Variants in TINF2 observed in about 807,000 individuals in gnomAD.
TINF2 encodes the protein TERF1 interacting nuclear factor 2.
TINF2 carries 27 observed loss-of-function variants against 50.4 expected under a neutral mutation model. The ratio of observed to expected loss-of-function variants is 0.54; its 90% confidence interval spans 0.40 to 0.74. The LOEUF is 0.74. Ranked by LOEUF, TINF2 falls within the 30% of genes least tolerant of loss-of-function variation. The pLI, the probability that TINF2 is intolerant of heterozygous loss-of-function variation, is 0.00. For synonymous variants in TINF2, 223 were observed against 214.6 expected, an observed-to-expected ratio of 1.04 and a Z score of -0.34; for missense variants, 496 against 551.5, an observed-to-expected ratio of 0.90 and a Z score of 1.01.
chr14:24,241,851 G>A, intron 2 of TINF2, 39 bp downstream of exon 2: 1 of 1,613,748 alleles, frequency 6.2e-7, no homozygotes, highest in Non-Finnish European at 8.5e-7. Flanking sequence ...GCTGCACCAA[G>A]TGTAACTGGG....
At position 24,240,558 on chromosome 14, in the gene TINF2, C is replaced by G. The variant is rs1232383398; in HGVS notation, c.922G>C (p.Glu308Gln). The G allele has an allele frequency of 6.2e-7, 1 of 1,614,180 alleles. No individual in the cohort carries two copies. Among genetic ancestry groups the G allele is most frequent in the Admixed American group, 1.7e-5 (1 of 60,026 alleles). ...QVISKPESKE[E>Q]HAIYTADLAM... The stretch of plus-strand genomic sequence containing the variant: ...AGGTCTGCTGTGTATATCGCATGTT[C>G]TTCCTTGCTCTCAGGCTTAGATATG... The change falls in exon 6 of 9, where the codon GAA becomes CAA. Residue 308 changes from glutamate to glutamine, a missense_variant. Transcript: ENST00000267415.
intron 3 of TINF2, 111 bp from the exon 4 acceptor site, chr14:24,241,422 G>A: frequency 9.1e-7 from 1 of 1,098,664 alleles, no homozygotes; most frequent in Middle Eastern, 2.6e-4. Context: ...TTGAGGTCAG[G>A]AGTTCGAGAC....
At chr14:24,240,968 G>A (rs1374876675) in intron 5 of TINF2, 52 bp downstream of exon 5, 3 of 1,613,632 alleles carry the variant, frequency 1.9e-6, no homozygotes, top group South Asian at 1.1e-5. Context: ...TATTCCAGTG[G>A]ACTGCCTCAA....
Position 24,242,617 on chromosome 14 carries a change from G to T in TINF2, c.-285C>A. The T allele has an allele frequency of 7.9e-7, 1 of 1,272,398 alleles. No homozygotes were observed. Among genetic ancestry groups the T allele is most frequent in the Non-Finnish European group, 1.0e-6 (1 of 1,004,580 alleles). The allele number at this position is 1,272,398 out of a possible 1,614,324, so 78.8% of individuals were successfully genotyped here. A position where few individuals can be genotyped will look rare whatever the true frequency, so the allele number is the denominator to read the frequency against. On this transcript the variant is annotated 5_prime_UTR_variant, in exon 1 of 9. Transcript: ENST00000267415. ...CGTCGCCGCTGTCTCGAGCCCGAGGGTGCCTCACTTCCGGCTCCGCTACTA... is the reference window on the plus strand; with the variant it reads ...CGTCGCCGCTGTCTCGAGCCCGAGGTTGCCTCACTTCCGGCTCCGCTACTA...
chr14:24,242,116 T>A (rs1416397262), intron 1 of TINF2, 25 bp downstream of exon 1: 1 of 1,614,110 alleles, frequency 6.2e-7, no homozygotes, highest in Non-Finnish European at 8.5e-7. Context: ...TTCTTTCCCC[T>A]TCCAGGTCCT....
rs1441717799 is a variant in TINF2 at position 24,242,319 on chromosome 14, A to C, written c.14T>G (p.Leu5Arg). 6.2e-7 allele frequency: 1 copy of C among 1,612,734 alleles called. No homozygotes were observed. The highest frequency in any genetic ancestry group is 2.2e-5 in the East Asian group (1 of 44,850). MATP[L>R]VAGPAALRFA... ...GCGTAGAGCTGCGGGACCCGCCACC[A>C]GGGGCGTAGCCATGGTCGGCGGGCT... is the stretch of plus-strand genomic sequence containing the variant. The change falls in exon 1 of 9, where the codon CTG becomes CGG. Residue 5 changes from leucine to arginine, a missense_variant. Coordinates refer to ENST00000267415, the MANE Select transcript of TINF2 (RefSeq NM_001099274.3).
In TINF2 at chr14:24,242,606, C is replaced by A; in HGVS notation, c.-274G>T. 1 of 1,294,178 alleles carries A rather than the reference C, an allele frequency of 7.7e-7. No individual in the cohort carries two copies. Among genetic ancestry groups the A allele is most frequent in the Non-Finnish European group, 9.8e-7 (1 of 1,018,550 alleles). The allele number at this position is 1,294,178 out of a possible 1,614,324, so 80.2% of individuals were successfully genotyped here. Reference sequence around the variant, plus strand: ...TCAGCTTTAAACGTCGCCGCTGTCTCGAGCCCGAGGGTGCCTCACTTCCGG... The same window carrying A: ...TCAGCTTTAAACGTCGCCGCTGTCTAGAGCCCGAGGGTGCCTCACTTCCGG... On this transcript the variant is annotated 5_prime_UTR_variant, in exon 1 of 9. Transcript: ENST00000267415.
At position 24,242,533 on chromosome 14, in the gene TINF2, G is replaced by C. The variant is rs972796805; in HGVS notation, c.-201C>G. The stretch of plus-strand genomic sequence containing the variant: ...GGAGGGGGTCTTCTGGCTCGGGCTG[G>C]AGGAGCCTGAGTGGAGAAGCTGACC... On this transcript the variant is annotated 5_prime_UTR_variant, in exon 1 of 9. Coordinates refer to ENST00000267415, the MANE Select transcript of TINF2 (RefSeq NM_001099274.3). 7.0e-7 allele frequency: 1 copy of C among 1,422,218 alleles called. No homozygotes were observed. Among genetic ancestry groups the C allele is most frequent in the East Asian group, 2.6e-5 (1 of 39,158 alleles). 88.1% of individuals were successfully genotyped at this position (1,422,218 alleles called of 1,614,324 possible). A position where few individuals can be genotyped will look rare whatever the true frequency, so the allele number is the denominator to read the frequency against.
chr14:24,240,535 G>A lies in TINF2; in HGVS notation c.945C>T (p.Asp315=), dbSNP rs113905507. ...SKEEHAIYTA[D]LAMGTRAAST... The stretch of plus-strand genomic sequence containing the variant: ...AGGCTGCTCTTGTGCCCATGGCTAG[G>A]TCTGCTGTGTATATCGCATGTTCTT... The change falls in exon 6 of 9, where the codon GAC becomes GAT. Residue 315 remains aspartate (D), a synonymous_variant. Coordinates refer to ENST00000267415, the MANE Select transcript of TINF2 (RefSeq NM_001099274.3). 1 of 1,614,184 alleles carries A rather than the reference G, an allele frequency of 6.2e-7. No individual in the cohort carries two copies. Among genetic ancestry groups the A allele is most frequent in the African/African-American group, 1.3e-5 (1 of 75,038 alleles).
chr14:24,239,941 A>G lies in TINF2; in HGVS notation c.1222-10T>C. 6.2e-7 allele frequency: 1 copy of G among 1,614,226 alleles called. No individual in the cohort carries two copies. On this transcript the variant is annotated splice_polypyrimidine_tract_variant and intron_variant, in intron 8 of 8. Coordinates refer to ENST00000267415, the MANE Select transcript of TINF2 (RefSeq NM_001099274.3). ...AGTTTTCCAGAGATTCCTGTAGAGA[A>G]GGGAGCAGGGAGAGCCTACTATCCG... is the stretch of plus-strand genomic sequence containing the variant.
chr14:24,240,896 C>G (rs753641499), intron 5 of TINF2, 21 bp from the exon 6 acceptor site: 8 of 1,613,906 alleles, frequency 5.0e-6, no homozygotes, highest in Non-Finnish European at 6.8e-6. Flanking sequence ...AAATGAGGCC[C>G]CTTATAAAGA....
Position 24,240,785 on chromosome 14 carries a change from G to A in TINF2, c.695C>T (p.Pro232Leu), listed in dbSNP as rs1191953304. ...QQRLALHNPL[P>L]KAKPGTHLPQ... ...AAGATGTGTGCCAGGCTTGGCTTTT[G>A]GCAGGGGATTGTGGAGTGCTAGTCT... The change falls in exon 6 of 9, where the codon CCA (proline) becomes CTA (leucine). Residue 232 changes from proline to leucine, a missense_variant. Physicochemically the swap from Pro to Leu is moderately conservative, Grantham distance 98. Coordinates refer to ENST00000267415, the MANE Select transcript of TINF2 (RefSeq NM_001099274.3). 6.2e-7 allele frequency: 1 copy of A among 1,613,708 alleles called. No individual in the cohort carries two copies.
chr14:24,240,799 G>T lies in TINF2; in HGVS notation c.681C>A (p.Leu227=), dbSNP rs751316703. The T allele has an allele frequency of 5.0e-6, 8 of 1,614,026 alleles. No individual in the cohort carries two copies. Among genetic ancestry groups the T allele is most frequent in the Non-Finnish European group, 6.8e-6 (8 of 1,180,022 alleles). Residue 227 remains leucine (L), a synonymous_variant, in exon 6 of 9, where the codon CTC becomes CTA. Coordinates refer to ENST00000267415, the MANE Select transcript of TINF2 (RefSeq NM_001099274.3). The part of the protein sequence containing the change: ...QNPPQQQRLA[L]HNPLPKAKPG... ...GCTTGGCTTTTGGCAGGGGATTGTG[G>T]AGTGCTAGTCTTTGTTGCTGAGGAG... is the stretch of plus-strand genomic sequence containing the variant.
chr14:24,241,109 T>C lies in TINF2; in HGVS notation c.515A>G (p.Asp172Gly), dbSNP rs746387616. Residue 172 changes from aspartate (D) to glycine (G), a missense_variant, in exon 5 of 9, where the codon GAT becomes GGT. Transcript: ENST00000267415. Reference sequence around the variant, plus strand: ...TCCAGGCTGCATCCAACTCAGCACATCCTGAAGCTGTGGGCAGGGACAGAG... The same window carrying C: ...TCCAGGCTGCATCCAACTCAGCACACCCTGAAGCTGTGGGCAGGGACAGAG... ...LPTPQAQQLQ[D>G]VLSWMQPGVS... 1.9e-6 allele frequency: 3 copies of C among 1,614,094 alleles called. No homozygotes were observed. Among genetic ancestry groups the C allele is most frequent in the Non-Finnish European group, 2.5e-6 (3 of 1,180,016 alleles).
At position 24,239,721 on chromosome 14, in the gene TINF2, TC is replaced by T; in HGVS notation, c.*75del. ...TAGTTAGGCAATCCAAGCCTGGACT[TC>T]CACTTCATTCCTACTAAACTACTTG... On this transcript the variant is annotated 3_prime_UTR_variant, in exon 9 of 9. Transcript: ENST00000267415. The T allele has an allele frequency of 4.3e-6, 7 of 1,613,588 alleles. No homozygotes were observed. The highest frequency in any genetic ancestry group is 5.9e-6 in the Non-Finnish European group (7 of 1,179,900).
Position 24,241,677 on chromosome 14 carries a change from G to A in TINF2, c.397C>T (p.Gln133Ter). Residue 133 changes from glutamine (Q) to a stop codon, truncating the protein, a stop_gained and splice_region_variant, in exon 3 of 9, where the codon CAG (glutamine) becomes TAG (stop). Coordinates refer to ENST00000267415, the MANE Select transcript of TINF2 (RefSeq NM_001099274.3). LOFTEE classifies it high-confidence loss of function. ...EAPVDLASKL[Q>*]ELEQEYGEPF... Reference sequence around the variant, plus strand: ...AATAGCCTTCAAACCAGTCTCACCTGCAGCTTCGAGGCCAAATCCACAGGA... The same window carrying A: ...AATAGCCTTCAAACCAGTCTCACCTACAGCTTCGAGGCCAAATCCACAGGA... The A allele has an allele frequency of 1.2e-6, 2 of 1,608,916 alleles. No individual in the cohort carries two copies. Among genetic ancestry groups the A allele is most frequent in the Non-Finnish European group, 1.7e-6 (2 of 1,177,166 alleles).
In TINF2 at chr14:24,241,468, A is replaced by AAAATAC. The variant is rs374084681; in HGVS notation, c.400-163_400-158dup. The AAAATAC allele has an allele frequency of 1.7e-3, 1,446 of 828,708 alleles. 18 individuals carry two copies. The African/African-American group carries it at 0.022, about 12-fold the overall frequency. The allele number at this position is 828,708 out of a possible 1,614,324, so 51.3% of individuals were successfully genotyped here. On this transcript the variant is annotated intron_variant, in intron 3 of 8. Coordinates refer to ENST00000267415, the MANE Select transcript of TINF2 (RefSeq NM_001099274.3). ...AACATGGTGAAACCCCATCTCTACT[A>AAAATAC]AAATACAAAAATTAGCTGGGCATTT...
rs2040602299 is a variant in TINF2, at chr14:24,242,442, G to T, written c.-110C>A. 6.8e-7 allele frequency: 1 copy of T among 1,461,490 alleles called. No homozygotes were observed. The highest frequency in any genetic ancestry group is 9.0e-7 in the Non-Finnish European group (1 of 1,114,156). The allele number at this position is 1,461,490 out of a possible 1,614,324, so 90.5% of individuals were successfully genotyped here. A position where few individuals can be genotyped will look rare whatever the true frequency, so the allele number is the denominator to read the frequency against. ...CTTCTGGCAACTCCCTGTCGCTCCG[G>T]TCTGTCGGCTCTGGGTACCTCGCGA... is the stretch of plus-strand genomic sequence containing the variant. On this transcript the variant is annotated 5_prime_UTR_variant, in exon 1 of 9. Transcript: ENST00000267415.
Position 24,241,053 on chromosome 14 carries a change from G to T in TINF2, c.571C>A (p.Gln191Lys). 6.2e-7 allele frequency: 1 copy of T among 1,614,076 alleles called. No homozygotes were observed. Among genetic ancestry groups the T allele is most frequent in the Non-Finnish European group, 8.5e-7 (1 of 1,180,028 alleles). The stretch of plus-strand genomic sequence containing the variant: ...AGCCACCCCATGTCCACACCATATT[G>T]TCTCCAGGCAAGAGAAGAGGTGATA... ...VSITSSLAWRQYGVDMGWLLP... is the reference protein window; with the variant it reads ...VSITSSLAWRKYGVDMGWLLP... Residue 191 changes from glutamine (Q) to lysine (K), a missense_variant, in exon 5 of 9, where the codon CAA (glutamine) becomes AAA (lysine). Physicochemically the swap from Gln to Lys is moderately conservative, Grantham distance 53 (BLOSUM62 1). Around this residue, in one of 3 missense-constraint regions of TINF2, gnomAD observed 314 missense variants for 343.8 expected, o/e 0.91. Coordinates refer to ENST00000267415, the MANE Select transcript of TINF2 (RefSeq NM_001099274.3).
Sources: gnomAD v4.1 joint callset for allele counts on GRCh38, gnomAD v4.1.1 for gene constraint, gnomAD v4.1.1 regional missense constraint, MANE v1.5 for transcripts, NCBI Gene and HGNC (gene_info 2026-07-23, HGNC 2026-07-21) for gene names.